RABGAP1: variants seen among roughly 807,000 people sequenced by gnomAD.
RABGAP1 encodes rab GTPase-activating protein 1.
In RABGAP1, 23 loss-of-function variants were observed where a neutral mutation model predicts 137.6. The ratio of observed to expected loss-of-function variants is 0.17; its 90% CI spans 0.12 to 0.24. The LOEUF is 0.24. RABGAP1 is among the 10% of genes least tolerant of loss of function. RABGAP1 has a pLI of 1.00. For missense variants in RABGAP1, 906 were observed against 1,275.8 expected, an observed-to-expected ratio of 0.71 and a Z score of 4.42; for synonymous variants, 451 against 450.7, an observed-to-expected ratio of 1.00 and a Z score of -0.01.
chr9:122,948,233 C>T (rs1277773267), intron 1 of RABGAP1, among the ~76,000 whole-genome samples: 1 of 152,090 alleles, frequency 6.6e-6, no homozygotes, highest in African/African-American at 2.4e-5. Flanking sequence ...TTTTTCTAAA[C>T]AGAGAGTAAA....
intron 21 of RABGAP1, among the ~76,000 whole-genome samples, chr9:123,093,391 A>G (rs562961629): frequency 2.0e-5 from 3 of 152,328 alleles, no homozygotes; most frequent in Non-Finnish European, 2.9e-5. Flanking sequence ...AGGGGAAGCT[A>G]TGGAAGGTCC....
chr9:122,970,003 A>G (rs1835387856), intron 2 of RABGAP1, among the ~76,000 whole-genome samples: 1 of 151,908 alleles, frequency 6.6e-6, no homozygotes, highest in Non-Finnish European at 1.5e-5. Context: ...CTGGGTTCAG[A>G]TGACTTGTGC....
At chr9:123,088,378 G>GT (rs376351749) in intron 19 of RABGAP1, among the ~76,000 whole-genome samples, 83 of 148,566 alleles carry the variant, frequency 5.6e-4, no homozygotes, top group African/African-American at 1.4e-3. Flanking sequence ...GCACACATCT[G>GT]TTTTTTTTTT....
In RABGAP1 at chr9:122,988,883, C is replaced by T. The variant is rs144010979; in HGVS notation, c.591-414C>T. Among the ~76,000 whole-genome samples, 1,159 of 146,006 alleles carry T rather than the reference C, an allele frequency of 7.9e-3. 16 individuals are homozygous for T. Among genetic ancestry groups the T allele is most frequent in the African/African-American group, 0.028 (1,084 of 39,382 alleles). ...ACTTGAACCCAGGAGGCGGAGGTTG[C>T]GGTGAGCTGAGATTGCGCCATTGCA... On this transcript the variant is annotated intron_variant, in intron 4 of 25. Coordinates refer to ENST00000373647, the MANE Select transcript of RABGAP1 (RefSeq NM_012197.4).
chr9:123,095,677 G>A (rs2035161677), intron 21 of RABGAP1, among the ~76,000 whole-genome samples: 1 of 151,734 alleles, frequency 6.6e-6, no homozygotes, highest in Admixed American at 6.6e-5. Context: ...ATTTTAGCCT[G>A]GGCAACAGAA....
At chr9:122,965,413 G>A (rs918340573) in intron 2 of RABGAP1, among the ~76,000 whole-genome samples, 1 of 152,118 alleles carries the variant, frequency 6.6e-6, no homozygotes, top group African/African-American at 2.4e-5. Context: ...TTGAGACGGA[G>A]TCTCTTGTCG....
intron 14 of RABGAP1, among the ~76,000 whole-genome samples, chr9:123,066,917 CTAAT>C (rs891025918): frequency 1.3e-5 from 2 of 152,184 alleles, no homozygotes; most frequent in African/African-American, 2.4e-5. Context: ...ATCCCCCACA[CTAAT>C]TATTTATCAA....
chr9:123,066,544 C>T (rs949422124), intron 14 of RABGAP1, among the ~76,000 whole-genome samples: 2 of 152,136 alleles, frequency 1.3e-5, no homozygotes, highest in African/African-American at 4.8e-5. Flanking sequence ...CTCTTGGGTA[C>T]GGGCTCCCTC....
chr9:122,933,663 G>A, the RABGAP1 span, among the ~76,000 whole-genome samples: 1 of 151,980 alleles, frequency 6.6e-6, no homozygotes, highest in Non-Finnish European at 1.5e-5. Context: ...GTCTTGCTCT[G>A]TCGCCCAGGC....
intron 13 of RABGAP1, among the ~76,000 whole-genome samples, chr9:123,059,936 A>G (rs2033902174): frequency 6.6e-6 from 1 of 152,240 alleles, no homozygotes; most frequent in African/African-American, 2.4e-5. Flanking sequence ...TGGTAAGATG[A>G]AGCATGGGTC....
intron 13 of RABGAP1, among the ~76,000 whole-genome samples, chr9:123,057,214 G>C (rs2132085843): frequency 6.6e-6 from 1 of 152,220 alleles, no homozygotes; most frequent in African/African-American, 2.4e-5. Context: ...TCACTTCCCA[G>C]ACGGGGTGGC....
intron 13 of RABGAP1, chr9:123,020,907 G>GA (rs1472780062): frequency 9.9e-6 from 9 of 910,530 alleles, no homozygotes; most frequent in African/African-American, 1.8e-5. Context: ...CCTCTAAAGT[G>GA]AAAAAAATCT....
chr9:123,016,768 A>C (rs1453550634), intron 12 of RABGAP1, among the ~76,000 whole-genome samples: 3 of 152,214 alleles, frequency 2.0e-5, no homozygotes, highest in Admixed American at 6.5e-5. Context: ...GATTTTTCTC[A>C]GACATTTTAA....
At chr9:123,087,271 C>T (rs2034898172) in intron 19 of RABGAP1, among the ~76,000 whole-genome samples, 2 of 152,106 alleles carry the variant, frequency 1.3e-5, no homozygotes, top group African/African-American at 4.8e-5. Flanking sequence ...TTCTTCCTTA[C>T]CCCAGCAAAA....
chr9:123,079,968 C>T (rs116118742), intron 19 of RABGAP1, among the ~76,000 whole-genome samples: 119 of 152,220 alleles, frequency 7.8e-4, no homozygotes, highest in African/African-American at 2.8e-3. Context: ...TTATAAATAT[C>T]GATTGAATAA....
intron 13 of RABGAP1, among the ~76,000 whole-genome samples, chr9:123,030,573 ATACT>A (rs948318413): frequency 2.1e-4 from 32 of 152,210 alleles, no homozygotes; most frequent in African/African-American, 7.2e-4. Context: ...TATAACATAC[ATACT>A]TATGAGGTAT....
intron 17 of RABGAP1, 55 bp from the exon 18 acceptor site, chr9:123,076,190 C>T (rs2034503882): frequency 1.9e-6 from 3 of 1,546,326 alleles, no homozygotes; most frequent in Non-Finnish European, 2.7e-6. Context: ...GGACAAATAG[C>T]ATAATAGTCG....
intron 3 of RABGAP1, among the ~76,000 whole-genome samples, chr9:122,985,370 A>C (rs1178022143): frequency 6.6e-6 from 1 of 152,170 alleles, no homozygotes; most frequent in Non-Finnish European, 1.5e-5. Context: ...ATCCCAGCAC[A>C]TTGGGAGGCC....
intron 2 of RABGAP1, among the ~76,000 whole-genome samples, chr9:122,983,644 T>G (rs1400716967): frequency 1.3e-5 from 2 of 152,224 alleles, no homozygotes; most frequent in Non-Finnish European, 1.5e-5. Context: ...TGTTAGGTTT[T>G]AGTCTTCAGA....
Sources: allele counts gnomAD v4.1 joint callset (sites outside exome capture counted in the v4.1 genomes callset), GRCh38; gene constraint gnomAD v4.1.1; transcripts MANE v1.5; gene names NCBI Gene and HGNC (gene_info 2026-07-23, HGNC 2026-07-21).